Variants in ZNF521 observed in about 807,000 individuals in gnomAD.
ZNF521 encodes LYST-interacting protein 3.
In ZNF521, 14 loss-of-function variants were observed where a neutral mutation model predicts 105.5. The ratio of observed to expected loss-of-function variants is 0.13; its 90% CI spans 0.09 to 0.21. The LOEUF is 0.21. ZNF521 is among the 10% of genes least tolerant of loss of function. ZNF521 has a pLI of 1.00. For synonymous variants in ZNF521, 635 were observed against 606.0 expected, an observed-to-expected ratio of 1.05 and a Z score of -0.70; for missense variants, 1,233 against 1,629.7, an observed-to-expected ratio of 0.76 and a Z score of 4.19.
At chr18:25,193,109 A>G (rs1462528290) in intron 5 of ZNF521, among the ~76,000 whole-genome samples, 2 of 152,124 alleles carry the variant, frequency 1.3e-5, no homozygotes, top group Non-Finnish European at 2.9e-5. Context: ...TTAATCCACT[A>G]TAAGGTAGAA....
chr18:25,228,271 A>T (rs1906306372), intron 3 of ZNF521, among the ~76,000 whole-genome samples: 1 of 152,228 alleles, frequency 6.6e-6, no homozygotes, highest in African/African-American at 2.4e-5. Context: ...TCAGCAAAAA[A>T]ATATTAAAAA....
At chr18:25,240,880 G>A (rs938265775) in intron 3 of ZNF521, among the ~76,000 whole-genome samples, 6 of 148,044 alleles carry the variant, frequency 4.1e-5, no homozygotes, top group Admixed American at 1.4e-4. Context: ...CTTACCCCTC[G>A]ACAGGCAGGC....
intron 2 of ZNF521, among the ~76,000 whole-genome samples, chr18:25,346,651 AG>A (rs1394109835): frequency 1.3e-5 from 2 of 152,222 alleles, no homozygotes; most frequent in Non-Finnish European, 2.9e-5. Context: ...AACCTTCCTA[AG>A]TACAAAAGAA....
rs549905223 is a variant in ZNF521 at position 25,130,159 on chromosome 18, TAGAA to T, written c.3659-38082_3659-38079del. On this transcript the variant is annotated intron_variant, in intron 5 of 7. Transcript: ENST00000361524. ...AATTTAATGGAATATTATGCAGCAA[TAGAA>T]AGAAATGAGCTATCAAGTCATGAAA... Among the ~76,000 whole-genome samples, 608 of 152,206 alleles carry T rather than the reference TAGAA, an allele frequency of 4.0e-3. 3 individuals carry two copies. Among genetic ancestry groups the T allele is most frequent in the African/African-American group, 0.014 (582 of 41,528 alleles).
At chr18:25,280,519 C>T (rs1910299193) in intron 3 of ZNF521, among the ~76,000 whole-genome samples, 1 of 152,010 alleles carries the variant, frequency 6.6e-6, no homozygotes, top group African/African-American at 2.4e-5. Flanking sequence ...TGACAGTCTA[C>T]ACCTTTACTC....
intron 6 of ZNF521, 82 bp from the exon 7 acceptor site, chr18:25,089,662 C>G (rs992876165): frequency 1.8e-6 from 2 of 1,083,006 alleles, no homozygotes; most frequent in Non-Finnish European, 2.8e-6. Context: ...GAACAGACAG[C>G]AGGCCGGACA....
At chr18:25,078,404 C>G (rs1422132735) in intron 7 of ZNF521, among the ~76,000 whole-genome samples, 2 of 152,220 alleles carry the variant, frequency 1.3e-5, no homozygotes, top group Admixed American at 1.3e-4. Flanking sequence ...AAAACCTGGA[C>G]AGTGAACACG....
intron 3 of ZNF521, among the ~76,000 whole-genome samples, chr18:25,266,987 G>A (rs908062229): frequency 5.9e-5 from 9 of 152,204 alleles, no homozygotes; most frequent in African/African-American, 2.2e-4. Flanking sequence ...GGCTCAGCGG[G>A]TCCCATCCCC....
chr18:25,344,228 TCTA>T (rs1914361339), intron 2 of ZNF521, among the ~76,000 whole-genome samples: 1 of 145,820 alleles, frequency 6.9e-6, no homozygotes, highest in South Asian at 2.1e-4. Context: ...AAGCTGCGAT[TCTA>T]CTTAGTTTTC....
intron 3 of ZNF521, among the ~76,000 whole-genome samples, chr18:25,236,012 T>C (rs1033534319): frequency 2.0e-5 from 3 of 152,304 alleles, no homozygotes; most frequent in South Asian, 2.1e-4. Context: ...TAACAAATGA[T>C]AGGAATTGTT....
intron 3 of ZNF521, among the ~76,000 whole-genome samples, chr18:25,243,679 A>G (rs1568031547): frequency 6.6e-6 from 1 of 152,220 alleles, no homozygotes; most frequent in Admixed American, 6.5e-5. Flanking sequence ...TTTTACTTCA[A>G]CGCAGGACTG....
At chr18:25,084,062 G>T (rs796138100) in intron 7 of ZNF521, among the ~76,000 whole-genome samples, 4 of 149,714 alleles carry the variant, frequency 2.7e-5, no homozygotes, top group African/African-American at 9.8e-5. Context: ...GGGATTACAG[G>T]CATGAGCCAC....
At chr18:25,081,062 A>G (rs551578911) in intron 7 of ZNF521, among the ~76,000 whole-genome samples, 1 of 142,978 alleles carries the variant, frequency 7.0e-6, no homozygotes, top group South Asian at 2.4e-4. Context: ...TCTTGGCGAC[A>G]TGGAAGATGG....
intron 2 of ZNF521, among the ~76,000 whole-genome samples, chr18:25,326,136 T>G (rs1403353867): frequency 6.6e-6 from 1 of 152,170 alleles, no homozygotes; most frequent in African/African-American, 2.4e-5. Context: ...ATAACCTATA[T>G]AAAAGTCAAG....
chr18:25,264,689 T>C (rs1043866746), intron 3 of ZNF521, among the ~76,000 whole-genome samples: 1 of 152,208 alleles, frequency 6.6e-6, no homozygotes, highest in Admixed American at 6.5e-5. Context: ...ATAATGTTTA[T>C]TTTTATGTTC....
chr18:25,069,875 T>G (rs1036740290), intron 7 of ZNF521, among the ~76,000 whole-genome samples: 2 of 152,194 alleles, frequency 1.3e-5, no homozygotes, highest in Admixed American at 6.5e-5. Flanking sequence ...CTTTTGCCCC[T>G]CTCTTTAATG....
intron 3 of ZNF521, among the ~76,000 whole-genome samples, chr18:25,231,164 C>T (rs1484818538): frequency 1.3e-5 from 2 of 152,204 alleles, no homozygotes. Context: ...ACTGGAACTA[C>T]ACCCAGCCGC....
chr18:25,299,425 AT>A (rs1187842589), intron 3 of ZNF521, among the ~76,000 whole-genome samples: 1 of 152,240 alleles, frequency 6.6e-6, no homozygotes, highest in African/African-American at 2.4e-5. Context: ...AGAATTCTGA[AT>A]ACAAACAGAA....
intron 7 of ZNF521, among the ~76,000 whole-genome samples, chr18:25,062,986 G>A (rs2032949284): frequency 6.6e-6 from 1 of 152,138 alleles, no homozygotes; most frequent in Non-Finnish European, 1.5e-5. Flanking sequence ...TTCTGAACCT[G>A]CTGTCACCCA....
Sources: allele counts gnomAD v4.1 joint callset (sites outside exome capture counted in the v4.1 genomes callset), GRCh38; gene constraint gnomAD v4.1.1; transcripts MANE v1.5; gene names NCBI Gene and HGNC (gene_info 2026-07-23, HGNC 2026-07-21).